GAB2: variants seen among roughly 807,000 people sequenced by gnomAD.
GAB2 encodes the protein GRB2-associated-binding protein 2.
GAB2 carries 26 observed loss-of-function variants against 65.5 expected under a neutral mutation model. That is an observed-to-expected ratio of 0.40 (90% CI 0.29 to 0.55). The LOEUF (loss-of-function observed/expected upper bound fraction) is 0.55. GAB2 is among the 20% of genes least tolerant of loss of function. The pLI is 0.53. For synonymous variants in GAB2, 321 were observed against 329.6 expected (o/e 0.97, Z 0.28); for missense variants, 884 against 875.8 (o/e 1.01, Z -0.12).
chr11:78,313,828 G>A lies in GAB2; in HGVS notation c.76-32927C>T, dbSNP rs533944813. 1.5e-3 allele frequency among the ~76,000 whole-genome samples: 224 copies of A among 152,180 alleles called. 1 individual carries two copies. The highest frequency in any genetic ancestry group is 2.5e-3 in the Non-Finnish European group (167 of 68,006). On this transcript the variant is annotated intron_variant, in intron 1 of 9. Coordinates refer to ENST00000361507, the MANE Select transcript of GAB2 (RefSeq NM_080491.3). ...CACCATTTATCACACAAGTGCCCTG[G>A]GGCCTCTACAAATTGAAAATAAGGT...
At chr11:78,281,047 G>A (rs1428769812) in intron 1 of GAB2, 146 bp from the exon 2 acceptor site, 9 of 657,946 alleles carry the variant, frequency 1.4e-5, no homozygotes, top group Non-Finnish European at 2.3e-5. Context: ...TTGAACTCCT[G>A]GGCTCAAGCG....
At chr11:78,295,705 G>A (rs1218143225) in intron 1 of GAB2, among the ~76,000 whole-genome samples, 1 of 152,172 alleles carries the variant, frequency 6.6e-6, no homozygotes, top group Non-Finnish European at 1.5e-5. Flanking sequence ...GGACTACTCT[G>A]CTTGCCTCGA....
chr11:78,251,438 A>G (rs569495334), intron 2 of GAB2, among the ~76,000 whole-genome samples: 82 of 152,330 alleles, frequency 5.4e-4, no homozygotes, highest in Non-Finnish European at 1.0e-3. Flanking sequence ...ATAATAGCTT[A>G]TAGTACTACA....
chr11:78,364,947 G>C (rs1024698838), intron 1 of GAB2, among the ~76,000 whole-genome samples: 30 of 152,092 alleles, frequency 2.0e-4, no homozygotes, highest in African/African-American at 7.2e-4. Context: ...AGGTGGCAAT[G>C]CTATGCTTGA....
At chr11:78,413,036 T>TGC (rs1333606877) in intron 1 of GAB2, among the ~76,000 whole-genome samples, 4 of 152,208 alleles carry the variant, frequency 2.6e-5, no homozygotes. Flanking sequence ...AGCAAGTAGG[T>TGC]GCTTAGTGGC....
At chr11:78,396,142 G>C (rs1459037417) in intron 1 of GAB2, among the ~76,000 whole-genome samples, 2 of 152,182 alleles carry the variant, frequency 1.3e-5, no homozygotes, top group Non-Finnish European at 2.9e-5. Flanking sequence ...AAAGGACAGA[G>C]GTGACAGCTT....
chr11:78,385,695 A>C (rs984368755), intron 1 of GAB2, among the ~76,000 whole-genome samples: 8 of 152,180 alleles, frequency 5.3e-5, no homozygotes, highest in Non-Finnish European at 8.8e-5. Flanking sequence ...TAGACACCAG[A>C]AACTCCACAG....
At chr11:78,344,694 G>A (rs1369962882) in intron 1 of GAB2, among the ~76,000 whole-genome samples, 6 of 152,138 alleles carry the variant, frequency 3.9e-5, no homozygotes, top group Admixed American at 1.3e-4. Flanking sequence ...TCTACACAGT[G>A]AACACTTCTA....
chr11:78,322,000 T>G (rs1389313068), intron 1 of GAB2, among the ~76,000 whole-genome samples: 2 of 151,928 alleles, frequency 1.3e-5, no homozygotes, highest in East Asian at 3.9e-4. Context: ...CAAGATAGAT[T>G]AAAGACTTAA....
At position 78,414,417 on chromosome 11, in the gene GAB2, TA is replaced by T. The variant is rs1255786280; in HGVS notation, c.75+3228del. ...GCACAACTTTCTTCAAGTTAGCCAC[TA>T]GGGGGTAGTCTGCCAATCTTATTCC... On this transcript the variant is annotated intron_variant, in intron 1 of 9. Transcript: ENST00000361507. Among the ~76,000 whole-genome samples, 3 of 152,326 alleles carry T rather than the reference TA, an allele frequency of 2.0e-5. No homozygotes were observed. In the South Asian group the frequency reaches 6.2e-4, roughly 32 times the overall value.
Position 78,222,313 on chromosome 11 carries a change from A to G in GAB2, c.1568-118T>C, listed in dbSNP as rs1384792406. Reference sequence around the variant, plus strand: ...GCCTGCAAAGTCATTCCAGTTTCACACAGGGAAACTGACGCTCAGCGAGGT... The same window carrying G: ...GCCTGCAAAGTCATTCCAGTTTCACGCAGGGAAACTGACGCTCAGCGAGGT... On this transcript the variant is annotated intron_variant, in intron 6 of 9. Transcript: ENST00000361507. 34 of 694,742 alleles carry G rather than the reference A, an allele frequency of 4.9e-5. No individual in the cohort carries two copies. In the East Asian group the frequency reaches 9.0e-4, roughly 18 times the overall value. 43.0% of individuals were successfully genotyped at this position (694,742 alleles called of 1,614,324 possible).
chr11:78,299,444 C>T (rs1866932288), intron 1 of GAB2, among the ~76,000 whole-genome samples: 1 of 152,238 alleles, frequency 6.6e-6, no homozygotes. Context: ...GGTGCCCAAA[C>T]TGTGAAGACA....
intron 1 of GAB2, among the ~76,000 whole-genome samples, chr11:78,377,443 A>G (rs1033434155): frequency 3.9e-5 from 6 of 152,162 alleles, no homozygotes; most frequent in Admixed American, 2.0e-4. Context: ...ATTTTCCCAA[A>G]GGCCCCATCT....
At chr11:78,405,966 G>A (rs903425327) in intron 1 of GAB2, among the ~76,000 whole-genome samples, 1 of 152,224 alleles carries the variant, frequency 6.6e-6, no homozygotes, top group Non-Finnish European at 1.5e-5. Flanking sequence ...AGAGCAAACT[G>A]TGGTCCAACC....
chr11:78,269,726 A>G (rs1004315328), intron 2 of GAB2, among the ~76,000 whole-genome samples: 2 of 152,228 alleles, frequency 1.3e-5, no homozygotes, highest in African/African-American at 4.8e-5. Flanking sequence ...TTAAGTATTT[A>G]CAAAATATTT....
intron 5 of GAB2, among the ~76,000 whole-genome samples, chr11:78,224,655 A>T (rs936181150): frequency 3.3e-5 from 5 of 152,002 alleles, no homozygotes; most frequent in African/African-American, 1.2e-4. Context: ...CACCTTGGAG[A>T]ACTGCGGTTA....
intron 1 of GAB2, among the ~76,000 whole-genome samples, chr11:78,331,492 G>T (rs1855913308): frequency 1.3e-5 from 2 of 152,124 alleles, no homozygotes; most frequent in Non-Finnish European, 2.9e-5. Flanking sequence ...TGATCTGCCT[G>T]CCTTGGCCTC....
intron 1 of GAB2, among the ~76,000 whole-genome samples, chr11:78,292,439 C>T (rs2134608398): frequency 6.6e-6 from 1 of 152,276 alleles, no homozygotes; most frequent in East Asian, 1.9e-4. Flanking sequence ...AAAGTCAGGG[C>T]AGAAGATAGA....
intron 8 of GAB2, among the ~76,000 whole-genome samples, chr11:78,221,144 T>C (rs1376036009): frequency 1.3e-5 from 2 of 152,254 alleles, no homozygotes; most frequent in East Asian, 1.9e-4. Context: ...GAGAAGGTGA[T>C]AGTCCTGTGT....
Sources: gnomAD v4.1 joint callset for allele counts (sites outside exome capture counted in the v4.1 genomes callset) on GRCh38, gnomAD v4.1.1 for gene constraint, MANE v1.5 for transcripts, NCBI Gene and HGNC (gene_info 2026-07-23, HGNC 2026-07-21) for gene names.